Variants in GUCA1B observed in about 807,000 individuals in gnomAD.
GUCA1B encodes the protein guanylate cyclase activator 1B, also known as guanylyl cyclase-activating protein 2.
In GUCA1B, 22 loss-of-function variants were observed where a neutral mutation model predicts 24.2. The observed-to-expected ratio is 0.91, with a 90% CI of 0.65 to 1.30. The LOEUF (loss-of-function observed/expected upper bound fraction) is 1.30, where lower values mean the gene tolerates loss of function less well. GUCA1B is among the 50% of genes most tolerant of loss of function. The probability of loss-of-function intolerance (pLI) is 0.00; values close to 1 mark genes in which losing one functional copy is unlikely to be tolerated. For synonymous variants in GUCA1B, 100 were observed against 97.9 expected, an observed-to-expected ratio of 1.02 and a Z score of -0.13; for missense variants, 221 against 258.8, an observed-to-expected ratio of 0.85 and a Z score of 1.00.
intron 1 of GUCA1B, among the ~76,000 whole-genome samples, chr6:42,193,759 G>GA (rs1280608906): frequency 6.6e-6 from 1 of 152,198 alleles, no homozygotes; most frequent in African/African-American, 2.4e-5. Context: ...CATTCCCAGT[G>GA]ATTCAGCTTA....
At chr6:42,193,373 CT>C (rs940042640) in intron 1 of GUCA1B, among the ~76,000 whole-genome samples, 3 of 109,338 alleles carry the variant, frequency 2.7e-5, no homozygotes, top group African/African-American at 7.9e-5. Flanking sequence ...GTTTACTTTT[CT>C]TACATTTTAA....
At position 42,194,633 on chromosome 6, in the gene GUCA1B, C is replaced by G; in HGVS notation, c.188G>C (p.Arg63Pro). The stretch of plus-strand genomic sequence containing the variant: ...CCTTACCCCATTCTTGTCGAAGGCT[C>G]GGAACATGCCCTCTACATACTGGGA... ...EASQYVEGMFRAFDKNGDNTI... is the reference protein window; with the variant it reads ...EASQYVEGMFPAFDKNGDNTI... Residue 63 changes from arginine (R) to proline (P), a missense_variant, in exon 1 of 4, where the codon CGA (arginine) becomes CCA (proline). Physicochemically the swap from Arg to Pro is moderately radical, Grantham distance 103 (BLOSUM62 -2). Transcript: ENST00000230361. The G allele has an allele frequency of 6.2e-7, 1 of 1,612,164 alleles. No individual in the cohort carries two copies. Among genetic ancestry groups the G allele is most frequent in the Non-Finnish European group, 8.5e-7 (1 of 1,178,232 alleles).
At chr6:42,187,387 G>C (rs6915300) in intron 2 of GUCA1B, among the ~76,000 whole-genome samples, 35,855 of 148,932 alleles carry the variant, frequency 0.24, 4,632 homozygotes, top group African/African-American at 0.34. Context: ...TACAGGCGTG[G>C]GCCACCGTGC....
rs980456179 is a variant in GUCA1B at position 42,184,348 on chromosome 6, C to T, written c.*467G>A. On this transcript the variant is annotated 3_prime_UTR_variant, in exon 4 of 4. Transcript: ENST00000230361. The stretch of plus-strand genomic sequence containing the variant: ...CCTCGTGATCTGCCCGCCTCGGCCT[C>T]CCAAAGTGCTGGGATTACAGGCGTG... 9.3e-5 allele frequency: 21 copies of T among 226,344 alleles called. No homozygotes were observed. The highest frequency in any genetic ancestry group is 4.7e-4 in the African/African-American group (21 of 44,480). The allele number at this position is 226,344 out of a possible 1,614,324, so 14.0% of individuals were successfully genotyped here.
rs1171417207 is a variant in GUCA1B at position 42,194,722 on chromosome 6, G to A, written c.99C>T (p.Pro33=). 1 of 1,612,790 alleles carries A rather than the reference G, an allele frequency of 6.2e-7. No homozygotes were observed. ...ACTCATGCATAAAGAGTGTGCCGCT[G>A]GGGCACTCCATCACAAACTTCTTGT... ...EWYKKFVMEC[P]SGTLFMHEFK... Residue 33 remains proline (P), a synonymous_variant, in exon 1 of 4, where the codon CCC becomes CCT. Coordinates refer to ENST00000230361, the MANE Select transcript of GUCA1B (RefSeq NM_002098.6).
chr6:42,190,050 A>T (rs1453092875), intron 1 of GUCA1B, among the ~76,000 whole-genome samples: 2 of 152,154 alleles, frequency 1.3e-5, no homozygotes, highest in Non-Finnish European at 2.9e-5. Context: ...GGGTCAGGCC[A>T]CTCAGGAGCC....
chr6:42,184,288 A>AC lies in GUCA1B; in HGVS notation c.*526dup, dbSNP rs746052096. On this transcript the variant is annotated 3_prime_UTR_variant, in exon 4 of 4. Transcript: ENST00000230361. ...GTATTTTTAGTAGAGACGGGGTTTC[A>AC]CCCCGTGTTAGCCAGGATGGTCTCG... 1.1e-4 allele frequency: 19 copies of AC among 176,218 alleles called. No individual in the cohort carries two copies. The highest frequency in any genetic ancestry group is 4.4e-4 in the East Asian group (3 of 6,894). 10.9% of individuals were successfully genotyped at this position (176,218 alleles called of 1,614,324 possible).
At chr6:42,191,149 C>T (rs1227977048) in intron 1 of GUCA1B, among the ~76,000 whole-genome samples, 1 of 152,142 alleles carries the variant, frequency 6.6e-6, no homozygotes, top group African/African-American at 2.4e-5. Context: ...GTGTCACCGG[C>T]TCTGTGGGAT....
Position 42,184,104 on chromosome 6 carries a change from T to C in GUCA1B, c.*711A>G, listed in dbSNP as rs1768151621. Among the ~76,000 whole-genome samples the C allele has an allele frequency of 6.6e-6, 1 of 151,690 alleles. No individual in the cohort carries two copies. Among genetic ancestry groups the C allele is most frequent in the Non-Finnish European group, 1.5e-5 (1 of 67,832 alleles). ...GCCTTTTCTTTTCTTTCTTTTTTTT[T>C]TTTTGAGACGGAGTCTCACTGTCGT... On this transcript the variant is annotated 3_prime_UTR_variant, in exon 4 of 4. Coordinates refer to ENST00000230361, the MANE Select transcript of GUCA1B (RefSeq NM_002098.6).
Position 42,184,644 on chromosome 6 carries a change from G to T in GUCA1B, c.*171C>A. 1 of 736,626 alleles carries T rather than the reference G, an allele frequency of 1.4e-6. No homozygotes were observed. The highest frequency in any genetic ancestry group is 2.4e-6 in the Non-Finnish European group (1 of 411,242). 45.6% of individuals were successfully genotyped at this position (736,626 alleles called of 1,614,324 possible). On this transcript the variant is annotated 3_prime_UTR_variant, in exon 4 of 4. Coordinates refer to ENST00000230361, the MANE Select transcript of GUCA1B (RefSeq NM_002098.6). Reference sequence around the variant, plus strand: ...ACTCCTCCAAAATGGACTATGCCCTGTTGGCCACTTCAAACCCAGCAGCCC... The same window carrying T: ...ACTCCTCCAAAATGGACTATGCCCTTTTGGCCACTTCAAACCCAGCAGCCC...
At chr6:42,194,464 A>T in intron 1 of GUCA1B, 150 bp downstream of exon 1, 1 of 675,874 alleles carries the variant, frequency 1.5e-6, no homozygotes, top group Admixed American at 2.2e-5. Flanking sequence ...GGGTTTGGTG[A>T]GTGAGACAGA....
At chr6:42,186,614 A>AAAGC (rs145306639) in intron 2 of GUCA1B, among the ~76,000 whole-genome samples, 8,965 of 151,838 alleles carry the variant, frequency 0.059, 890 homozygotes, top group African/African-American at 0.2. Flanking sequence ...AGAAAGAAAG[A>AAAGC]AAGCACCATG....
At chr6:42,190,920 A>C (rs1768293324) in intron 1 of GUCA1B, among the ~76,000 whole-genome samples, 1 of 152,138 alleles carries the variant, frequency 6.6e-6, no homozygotes, top group African/African-American at 2.4e-5. Context: ...AACATGATTC[A>C]GTTTCCATGA....
chr6:42,192,127 G>A (rs1489776515), intron 1 of GUCA1B, among the ~76,000 whole-genome samples: 6 of 151,140 alleles, frequency 4.0e-5, no homozygotes, highest in African/African-American at 7.3e-5. Context: ...AGACCGAGGC[G>A]GGTGGATCAT....
At chr6:42,190,752 T>A (rs1768290880) in intron 1 of GUCA1B, among the ~76,000 whole-genome samples, 1 of 152,124 alleles carries the variant, frequency 6.6e-6, no homozygotes, top group African/African-American at 2.4e-5. Context: ...CCACTTAAGA[T>A]CTATTTCTGT....
chr6:42,193,618 G>A (rs1582335492), intron 1 of GUCA1B, among the ~76,000 whole-genome samples: 1 of 152,360 alleles, frequency 6.6e-6, no homozygotes, highest in East Asian at 1.9e-4. Context: ...GCCCTGTGGG[G>A]TGGTCGATGG....
At chr6:42,192,304 A>C (rs1361699053) in intron 1 of GUCA1B, among the ~76,000 whole-genome samples, 1 of 137,766 alleles carries the variant, frequency 7.3e-6, no homozygotes, top group East Asian at 2.4e-4. Context: ...CAGTGAGCCA[A>C]GATCATACCA....
intron 2 of GUCA1B, among the ~76,000 whole-genome samples, chr6:42,186,694 A>C (rs916142433): frequency 2.6e-5 from 4 of 152,184 alleles, no homozygotes; most frequent in African/African-American, 9.7e-5. Flanking sequence ...CTGAGGACAG[A>C]AGCTGCGTCT....
intron 1 of GUCA1B, among the ~76,000 whole-genome samples, chr6:42,192,379 A>G (rs28805650): frequency 3.0e-4 from 2 of 6,748 alleles, no homozygotes; most frequent in Non-Finnish European, 6.8e-4. Context: ...AAAAAAAAAA[A>G]AGAGAGAAAA....
Sources: allele counts gnomAD v4.1 joint callset (sites outside exome capture counted in the v4.1 genomes callset), GRCh38; gene constraint gnomAD v4.1.1; transcripts MANE v1.5; gene names NCBI Gene and HGNC (gene_info 2026-07-23, HGNC 2026-07-21).